The following LARP1 variants were observed in gnomAD, a reference collection of about 807,000 sequenced individuals.
LARP1 encodes la-related protein 1.
LARP1 carries 36 observed loss-of-function variants against 122.7 expected under a neutral mutation model. The ratio of observed to expected loss-of-function variants is 0.29; its 90% CI spans 0.22 to 0.39. The LOEUF is 0.39. LARP1 is among the 10% of genes least tolerant of loss of function. The pLI is 1.00. For missense variants in LARP1, 1,040 were observed against 1,403.6 expected (o/e 0.74, Z 4.14); for synonymous variants, 539 against 528.7 (o/e 1.02, Z -0.27).
chr5:154,756,474 C>T (rs988591224), intron 1 of LARP1: 25 of 985,686 alleles, frequency 2.5e-5, no homozygotes, highest in South Asian at 4.6e-5. Context: ...ACCTCGTCGG[C>T]AGAGGGTGGG....
chr5:154,702,047 C>T (rs1386821231), intron 1 of LARP1, among the ~76,000 whole-genome samples: 2 of 152,162 alleles, frequency 1.3e-5, no homozygotes, highest in African/African-American at 4.8e-5. Flanking sequence ...AGGGAGGAGA[C>T]ATCCTGATGA....
intron 4 of LARP1, 83 bp from the exon 5 acceptor site, chr5:154,793,512 G>T: frequency 6.4e-6 from 10 of 1,573,672 alleles, no homozygotes; most frequent in Non-Finnish European, 8.7e-6. Context: ...CCAAGTCCAG[G>T]GCAGAAGAAG....
intron 3 of LARP1, among the ~76,000 whole-genome samples, chr5:154,791,782 C>T (rs761240266): frequency 6.6e-6 from 1 of 152,146 alleles, no homozygotes; most frequent in East Asian, 1.9e-4. Context: ...CCTGCTAATA[C>T]TGTATTTTTG....
In LARP1 at chr5:154,803,869, C is replaced by A; in HGVS notation, c.2439+124C>A. 1 of 1,040,556 alleles carries A rather than the reference C, an allele frequency of 9.6e-7. No homozygotes were observed. Among genetic ancestry groups the A allele is most frequent in the Non-Finnish European group, 1.4e-6 (1 of 700,408 alleles). 64.5% of individuals were successfully genotyped at this position (1,040,556 alleles called of 1,614,324 possible). A position where few individuals can be genotyped will look rare whatever the true frequency, so the allele number is the denominator to read the frequency against. ...CTAAATCCTTCACCTGCTCTGTGTT[C>A]TGAGGCTGGTGGGCTTACCTAGGAT... On this transcript the variant is annotated intron_variant, in intron 13 of 18. Coordinates refer to ENST00000518297, the MANE Select transcript of LARP1 (RefSeq NM_033551.3). The surrounding 1 kb of genome is among the most constrained non-coding windows in gnomAD (Gnocchi z 4.4).
rs181965608 is a variant in LARP1 at position 154,805,309 on chromosome 5, G to A, written c.2547-572G>A. ...AGGTCTTCATCGTCGTGGTCTTCAT[G>A]TTTAGCAGGCTGAGAAGGAGGGGTT... On this transcript the variant is annotated intron_variant, in intron 14 of 18. Transcript: ENST00000518297. 6.5e-5 allele frequency: 14 copies of A among 214,966 alleles called. 1 individual carries two copies. In the East Asian group the frequency reaches 1.8e-3, roughly 27 times the overall value. The allele number at this position is 214,966 out of a possible 1,614,324, so 13.3% of individuals were successfully genotyped here.
At chr5:154,764,904 C>CA (rs57409005) in intron 1 of LARP1, among the ~76,000 whole-genome samples, 1,530 of 102,364 alleles carry the variant, frequency 0.015, 36 homozygotes, top group South Asian at 0.12. Context: ...GACTCCATCA[C>CA]AAAAAAAAAA....
At position 154,793,819 on chromosome 5, in the gene LARP1, C is replaced by T. The variant is rs140280486; in HGVS notation, c.888C>T (p.Tyr296=). Residue 296 remains tyrosine (Y), a synonymous_variant, in exon 6 of 19, where the codon TAC becomes TAT. Coordinates refer to ENST00000518297, the MANE Select transcript of LARP1 (RefSeq NM_033551.3). ...GEIKGSESAT[Y]VPVAPPTPAW... ...CCATAGGGTCTGAGTCTGCCACCTA[C>T]GTGCCCGTGGCCCCCCCCACCCCAG... 3.5e-4 allele frequency: 561 copies of T among 1,614,166 alleles called. 1 individual carries two copies. Among genetic ancestry groups the T allele is most frequent in the Non-Finnish European group, 3.9e-4 (457 of 1,180,012 alleles).
rs554756964 is a variant in LARP1 at position 154,723,637 on chromosome 5, T to C, written c.205+10507T>C. Among the ~76,000 whole-genome samples, 18 of 152,318 alleles carry C rather than the reference T, an allele frequency of 1.2e-4. No homozygotes were observed. The South Asian group carries it at 3.3e-3, about 28-fold the overall frequency. On this transcript the variant is annotated intron_variant, in intron 1 of 18. Transcript: ENST00000336314. ...AAATAAAAGGTACCATTTTGTCTCA[T>C]TTAATCTTTCAAACAGTTCTATAAA...
rs1759666355 is a variant in LARP1, at chr5:154,816,341, C to T, written c.*2245C>T. 6.5e-6 allele frequency: 1 copy of T among 152,750 alleles called. No individual in the cohort carries two copies. The highest frequency in any genetic ancestry group is 1.5e-5 in the Non-Finnish European group (1 of 68,156). 9.5% of individuals were successfully genotyped at this position (152,750 alleles called of 1,614,324 possible). On this transcript the variant is annotated 3_prime_UTR_variant, in exon 19 of 19. Transcript: ENST00000518297. ...CAGAAACCTCAGTGTTTTTCCTCTG[C>T]TGGTTTGGGGCACAAGGAAGCCTTA...
intron 1 of LARP1, among the ~76,000 whole-genome samples, chr5:154,740,594 G>T (rs1335053392): frequency 6.6e-6 from 1 of 152,200 alleles, no homozygotes; most frequent in African/African-American, 2.4e-5. Context: ...AGCTCACACA[G>T]CAAGTCCGCT....
Position 154,685,839 on chromosome 5 carries a change from G to T in LARP1, c.-180+2802G>T, listed in dbSNP as rs888516744. ...TTTTTTTTTAAATTTTAGAGACGGG[G>T]TCTTGCTCTGTTGCCAGGCTTTGTG... On this transcript the variant is annotated intron_variant, in intron 1 of 18. Coordinates refer to the LARP1 transcript ENST00000687700. 1.8e-5 allele frequency: 9 copies of T among 512,736 alleles called. No homozygotes were observed. The East Asian group carries it at 5.0e-4, about 29-fold the overall frequency. 31.8% of individuals were successfully genotyped at this position (512,736 alleles called of 1,614,324 possible).
At chr5:154,712,344 G>A (rs12055015), upstream of LARP1, among the ~76,000 whole-genome samples, 13,492 of 152,184 alleles carry the variant, frequency 0.089, 762 homozygotes, top group East Asian at 0.23. Flanking sequence ...AAAGTGGTGT[G>A]GTCCAACAGA....
upstream of LARP1, among the ~76,000 whole-genome samples, chr5:154,755,022 A>T (rs1753718226): frequency 6.6e-6 from 1 of 152,038 alleles, no homozygotes; most frequent in African/African-American, 2.4e-5. Flanking sequence ...TGGCCCTTTA[A>T]GATACCTCCC....
At position 154,793,708 on chromosome 5, in the gene LARP1, C is replaced by T. The variant is rs761026821; in HGVS notation, c.853C>T (p.Arg285Cys). The change falls in exon 5 of 19, where the codon CGC becomes TGC. Residue 285 changes from arginine (R) to cysteine (C), a missense_variant. Around this residue, in one of 8 missense-constraint regions of LARP1, gnomAD observed 178 missense variants for 178.3 expected, o/e 1.00. Transcript: ENST00000518297. ...GGAGCCTAGACACATACCTGCCAAT[C>T]GCGGAGAGATCAAAGGTATGCACTA... ...PPEPRHIPANRGEIKGSESAT... is the reference protein window; with the variant it reads ...PPEPRHIPANCGEIKGSESAT... The T allele has an allele frequency of 4.1e-5, 66 of 1,614,066 alleles. No homozygotes were observed. Among genetic ancestry groups the T allele is most frequent in the African/African-American group, 6.7e-5 (5 of 74,924 alleles).
chr5:154,811,961 C>G (rs1331818947), intron 18 of LARP1, among the ~76,000 whole-genome samples: 3 of 152,214 alleles, frequency 2.0e-5, no homozygotes, highest in African/African-American at 7.2e-5. Flanking sequence ...ATCCAAGATA[C>G]ACACATTTGT....
At chr5:154,728,221 C>A (rs551704474) in intron 1 of LARP1, among the ~76,000 whole-genome samples, 2 of 152,130 alleles carry the variant, frequency 1.3e-5, no homozygotes, top group Non-Finnish European at 2.9e-5. Flanking sequence ...GGCCAAGGAA[C>A]CTTCTTTTAA....
In LARP1 at chr5:154,803,671, C is replaced by T. The variant is rs1758524831; in HGVS notation, c.2365C>T (p.Pro789Ser). The T allele has an allele frequency of 6.8e-6, 11 of 1,614,220 alleles. No individual in the cohort carries two copies. Among genetic ancestry groups the T allele is most frequent in the Non-Finnish European group, 9.3e-6 (11 of 1,180,046 alleles). The change falls in exon 13 of 19, where the codon CCA (proline) becomes TCA (serine). Residue 789 changes from proline (P) to serine (S), a missense_variant. Coordinates refer to ENST00000518297, the MANE Select transcript of LARP1 (RefSeq NM_033551.3). This position sits in a 1 kb window ranked among gnomAD's most constrained non-coding sequence, Gnocchi z 4.4. ...NTRTPRTPRT[P>S]QLKDSSQTSR... ...CAGGACCCCTCGCACTCCCCGGACA[C>T]CACAGCTCAAAGACTCAAGCCAGAC...
upstream of LARP1, among the ~76,000 whole-genome samples, chr5:154,709,183 A>G (rs532009532): frequency 5.3e-5 from 8 of 152,326 alleles, no homozygotes; most frequent in Non-Finnish European, 8.8e-5. Flanking sequence ...AGGCAGAATC[A>G]ACTCTTCACC....
At chr5:154,758,333 A>G (rs541997391) in intron 1 of LARP1, among the ~76,000 whole-genome samples, 2 of 152,328 alleles carry the variant, frequency 1.3e-5, no homozygotes, top group African/African-American at 2.4e-5. Flanking sequence ...AATTCTGAGT[A>G]AGGGTAGATT....
Sources: gnomAD v4.1 joint callset for allele counts (sites outside exome capture counted in the v4.1 genomes callset) on GRCh38, gnomAD v4.1.1 for gene constraint, gnomAD v4.1.1 regional missense constraint, Gnocchi (gnomAD v3.1) non-coding constraint, MANE v1.5 for transcripts, NCBI Gene and HGNC (gene_info 2026-07-23, HGNC 2026-07-21) for gene names.